The following TMEM204 variants were observed in gnomAD, a reference collection of about 807,000 sequenced individuals.
TMEM204 encodes the protein claudin-like protein 24.
TMEM204 carries 15 observed loss-of-function variants against 19.4 expected under a neutral mutation model. That is an observed-to-expected ratio of 0.77 (90% CI 0.52 to 1.19). The LOEUF (loss-of-function observed/expected upper bound fraction) is 1.19, where lower values mean the gene tolerates loss of function less well. Among genes scored for constraint, TMEM204 ranks in the 50% most tolerant of loss-of-function variants. The pLI, the probability that TMEM204 is intolerant of heterozygous loss-of-function variation, is 0.00. For synonymous variants in TMEM204, 161 were observed against 146.0 expected (o/e 1.10, Z -0.74); for missense variants, 287 against 321.2 (o/e 0.89, Z 0.81).
chr16:1,540,182 G>A (rs946592271), intron 1 of TMEM204, among the ~76,000 whole-genome samples: 12 of 152,336 alleles, frequency 7.9e-5, no homozygotes, highest in Middle Eastern at 3.4e-3. Flanking sequence ...AGATGTGAGC[G>A]CTGGAGCAGC....
In TMEM204 at chr16:1,555,053, G is replaced by T; in HGVS notation, c.*27G>T. The T allele has an allele frequency of 6.3e-7, 1 of 1,587,218 alleles. No homozygotes were observed. ...TCGCCCTTCTCAGCGCTCCATCAAC[G>T]CACACCTGCTATCGTGGAACAGCCT... On this transcript the variant is annotated 3_prime_UTR_variant, in exon 3 of 3. Transcript: ENST00000566264.
At chr16:1,534,625 G>T in intron 1 of TMEM204, 70 bp downstream of exon 1, 1 of 1,589,106 alleles carries the variant, frequency 6.3e-7, no homozygotes, top group Non-Finnish European at 8.5e-7. Flanking sequence ...GATGTTAGGC[G>T]CGGACCTGGT....
intron 1 of TMEM204, among the ~76,000 whole-genome samples, chr16:1,535,011 C>A (rs1000194311): frequency 6.6e-6 from 1 of 152,004 alleles, no homozygotes. Flanking sequence ...TCAAGACGAA[C>A]CTAGCCTACA....
At chr16:1,542,207 C>A in intron 2 of TMEM204, 131 bp downstream of exon 2, 2 of 1,024,496 alleles carry the variant, frequency 2.0e-6, no homozygotes, top group Non-Finnish European at 2.7e-6. Flanking sequence ...GGCCACAGGC[C>A]ACTGAGAAGC....
intron 2 of TMEM204, among the ~76,000 whole-genome samples, chr16:1,542,455 G>A (rs2031742272): frequency 6.6e-6 from 1 of 152,232 alleles, no homozygotes. Context: ...TGAGGCAGCT[G>A]GTGGGGAGCA....
chr16:1,545,780 AAG>A (rs1228739289), intron 2 of TMEM204, among the ~76,000 whole-genome samples: 3 of 152,204 alleles, frequency 2.0e-5, no homozygotes, highest in Admixed American at 2.0e-4. Context: ...GTCAGCTCCA[AAG>A]AGAGGCGATG....
chr16:1,552,389 C>T (rs1370350457), intron 2 of TMEM204, among the ~76,000 whole-genome samples: 1 of 152,122 alleles, frequency 6.6e-6, no homozygotes, highest in Non-Finnish European at 1.5e-5. Flanking sequence ...CTCCGCTGTG[C>T]CTGCCCTGCC....
At chr16:1,543,669 G>A (rs972538747) in intron 2 of TMEM204, among the ~76,000 whole-genome samples, 1 of 152,246 alleles carries the variant, frequency 6.6e-6, no homozygotes, top group Non-Finnish European at 1.5e-5. Flanking sequence ...AGACAGGGAT[G>A]TGGGACCTAG....
intron 2 of TMEM204, among the ~76,000 whole-genome samples, chr16:1,550,350 T>G (rs1328832647): frequency 6.6e-6 from 1 of 152,246 alleles, no homozygotes; most frequent in Admixed American, 6.5e-5. Flanking sequence ...GGAGGTCATG[T>G]CTGGATTAGA....
At chr16:1,549,653 A>C in intron 2 of TMEM204, among the ~76,000 whole-genome samples, 1 of 151,876 alleles carries the variant, frequency 6.6e-6, no homozygotes, top group East Asian at 1.9e-4. Flanking sequence ...GCTGGTCTCA[A>C]ACTCCTGACC....
At chr16:1,539,957 C>T (rs771468491) in intron 1 of TMEM204, among the ~76,000 whole-genome samples, 4 of 152,190 alleles carry the variant, frequency 2.6e-5, no homozygotes, top group Non-Finnish European at 4.4e-5. Context: ...CAGGCCGGAG[C>T]GGGCACAGTG....
chr16:1,534,193 T>C lies in TMEM204; in HGVS notation c.-83T>C. The C allele has an allele frequency of 6.4e-7, 1 of 1,563,688 alleles. No individual in the cohort carries two copies. On this transcript the variant is annotated 5_prime_UTR_variant, in exon 1 of 3. It removes the in-frame stop codon of an upstream open reading frame in the 5' UTR. Coordinates refer to ENST00000566264, the MANE Select transcript of TMEM204 (RefSeq NM_024600.6). ...AGTGGTGATGTCCTCTAGCCACCCC[T>C]AGCAGCGTCGGCTCTCCCTGGACGT...
intron 1 of TMEM204, among the ~76,000 whole-genome samples, chr16:1,537,402 C>T (rs902091939): frequency 6.6e-6 from 1 of 152,244 alleles, no homozygotes; most frequent in Non-Finnish European, 1.5e-5. Context: ...GCAAACATCA[C>T]CAGGAGCCTG....
intron 2 of TMEM204, 130 bp downstream of exon 2, chr16:1,542,206 C>A: frequency 9.6e-7 from 1 of 1,045,168 alleles, no homozygotes; most frequent in South Asian, 1.8e-5. Context: ...TGGCCACAGG[C>A]CACTGAGAAG....
intron 2 of TMEM204, among the ~76,000 whole-genome samples, chr16:1,550,339 G>A (rs752354170): frequency 1.3e-5 from 2 of 152,208 alleles, no homozygotes; most frequent in African/African-American, 2.4e-5. Context: ...ACCATGCACA[G>A]GGAGGTCATG....
chr16:1,552,465 G>C (rs1219229370), intron 2 of TMEM204, among the ~76,000 whole-genome samples: 1 of 152,080 alleles, frequency 6.6e-6, no homozygotes, highest in African/African-American at 2.4e-5. Flanking sequence ...GAAAGTGCCA[G>C]ACCCCGTAAA....
At position 1,553,662 on chromosome 16, in the gene TMEM204, G is replaced by A; in HGVS notation, c.437-1120G>A. On this transcript the variant is annotated intron_variant, in intron 2 of 2. Transcript: ENST00000566264. The surrounding 1 kb of genome is among the most constrained non-coding windows in gnomAD (Gnocchi z 4.4). The stretch of plus-strand genomic sequence containing the variant: ...ACAGAGAGGGAGGGGTGCTGGGTGG[G>A]CAGAAGCGGGGCTGGGGCTGAAGGC... The A allele has an allele frequency of 9.4e-7, 1 of 1,058,326 alleles. No individual in the cohort carries two copies. The highest frequency in any genetic ancestry group is 1.2e-6 in the Non-Finnish European group (1 of 867,256). 65.6% of individuals were successfully genotyped at this position (1,058,326 alleles called of 1,614,324 possible). A position where few individuals can be genotyped will look rare whatever the true frequency, so the allele number is the denominator to read the frequency against.
In TMEM204 at chr16:1,553,983, C is replaced by G. The variant is rs919301790; in HGVS notation, c.437-799C>G. Reference sequence around the variant, plus strand: ...GCATCAGCGACTAACTAGACGGGAACAAGCTGCGCCAACCAAGGGTTGCTC... The same window carrying G: ...GCATCAGCGACTAACTAGACGGGAAGAAGCTGCGCCAACCAAGGGTTGCTC... On this transcript the variant is annotated intron_variant, in intron 2 of 2. Transcript: ENST00000566264. This position sits in a 1 kb window ranked among gnomAD's most constrained non-coding sequence, Gnocchi z 4.4. The G allele has an allele frequency of 3.9e-6, 5 of 1,287,124 alleles. No homozygotes were observed. Among genetic ancestry groups the G allele is most frequent in the Non-Finnish European group, 5.1e-6 (5 of 988,706 alleles). 79.7% of individuals were successfully genotyped at this position (1,287,124 alleles called of 1,614,324 possible). A position where few individuals can be genotyped will look rare whatever the true frequency, so the allele number is the denominator to read the frequency against.
At position 1,534,336 on chromosome 16, in the gene TMEM204, A is replaced by G. The variant is rs1456243053; in HGVS notation, c.61A>G (p.Asn21Asp). Residue 21 changes from asparagine (N) to aspartate (D), a missense_variant, in exon 1 of 3, where the codon AAC becomes GAC. Coordinates refer to ENST00000566264, the MANE Select transcript of TMEM204 (RefSeq NM_024600.6). ...GGTGGCCCTGGTCTCACTCATCCTC[A>G]ACAACGTGGCGGCCTTCACCTCCAA... Reference protein sequence around the residue: ...VLVALVSLILNNVAAFTSNWV... With the variant: ...VLVALVSLILDNVAAFTSNWV... The G allele has an allele frequency of 6.2e-7, 1 of 1,612,808 alleles. No individual in the cohort carries two copies. The highest frequency in any genetic ancestry group is 8.5e-7 in the Non-Finnish European group (1 of 1,179,870).
Sources: gnomAD v4.1 joint callset for allele counts (sites outside exome capture counted in the v4.1 genomes callset) on GRCh38, gnomAD v4.1.1 for gene constraint, Gnocchi (gnomAD v3.1) non-coding constraint, MANE v1.5 for transcripts, NCBI Gene and HGNC (gene_info 2026-07-23, HGNC 2026-07-21) for gene names.